Variants in ZFC3H1 observed in about 807,000 individuals in gnomAD.
ZFC3H1 encodes the protein zinc finger C3H1-type containing.
A neutral mutation model predicts 243.7 loss-of-function variants in ZFC3H1; 71 were observed. The observed-to-expected ratio is 0.29, with a 90% confidence interval of 0.24 to 0.36. The LOEUF (loss-of-function observed/expected upper bound fraction) is 0.36. Among genes scored for constraint, ZFC3H1 ranks in the 10% least tolerant of loss-of-function variants. ZFC3H1 has a pLI of 1.00. For synonymous variants in ZFC3H1, 838 were observed against 813.0 expected (o/e 1.03, Z -0.52); for missense variants, 1,966 against 2,317.1 (o/e 0.85, Z 3.11).
At chr12:71,633,154 T>C (rs1339009762) in intron 13 of ZFC3H1, 110 bp downstream of exon 13, 4 of 1,396,278 alleles carry the variant, frequency 2.9e-6, no homozygotes, top group Non-Finnish European at 3.8e-6. Flanking sequence ...CAAGAAACTA[T>C]AGGTTATGCA....
intron 2 of ZFC3H1, among the ~76,000 whole-genome samples, chr12:71,655,929 A>G (rs889907101): frequency 6.6e-6 from 1 of 152,176 alleles, no homozygotes; most frequent in Non-Finnish European, 1.5e-5. Flanking sequence ...TAATTGGGAA[A>G]TGGATGAACT....
At chr12:71,630,553 C>T in intron 18 of ZFC3H1, 47 bp downstream of exon 18, 1 of 1,577,448 alleles carries the variant, frequency 6.3e-7, no homozygotes, top group East Asian at 2.2e-5. Context: ...TTTTAAGTTG[C>T]CTAAATTCAA....
intron 22 of ZFC3H1, among the ~76,000 whole-genome samples, chr12:71,624,667 T>C (rs886972411): frequency 2.0e-5 from 3 of 152,162 alleles, no homozygotes; most frequent in Non-Finnish European, 4.4e-5. Context: ...TATAAAAGTT[T>C]TGAGAATAGA....
intron 6 of ZFC3H1, among the ~76,000 whole-genome samples, chr12:71,641,130 G>A (rs1432132172): frequency 6.6e-6 from 1 of 151,968 alleles, no homozygotes; most frequent in African/African-American, 2.4e-5. Flanking sequence ...CATTTAAAAA[G>A]CATAGATCAT....
intron 1 of ZFC3H1, among the ~76,000 whole-genome samples, chr12:71,658,018 A>G (rs1881065368): frequency 6.6e-6 from 1 of 152,022 alleles, no homozygotes; most frequent in Non-Finnish European, 1.5e-5. Context: ...ACACTTTAAA[A>G]TAGTACTCAA....
intron 4 of ZFC3H1, 109 bp from the exon 5 acceptor site, chr12:71,644,427 TTGTTTATATA>T (rs1385050409): frequency 8.3e-7 from 1 of 1,197,898 alleles, no homozygotes; most frequent in Non-Finnish European, 1.1e-6. Flanking sequence ...TGCTCCTAAG[TTGTTTATATA>T]AGATTGTCTT....
At chr12:71,661,484 CTTTTTT>C (rs10658535) in intron 1 of ZFC3H1, among the ~76,000 whole-genome samples, 2 of 130,858 alleles carry the variant, frequency 1.5e-5, no homozygotes, top group East Asian at 4.4e-4. Flanking sequence ...TATAATTTTC[CTTTTTT>C]TTTTTTTTTT....
chr12:71,611,753 G>A (rs371710849), intron 32 of ZFC3H1, 33 bp downstream of exon 32: 1 of 1,442,182 alleles, frequency 6.9e-7, no homozygotes, highest in Non-Finnish European at 9.6e-7. Flanking sequence ...AAAAGCAATA[G>A]CTATAAAAAC....
intron 7 of ZFC3H1, among the ~76,000 whole-genome samples, chr12:71,638,021 T>C (rs867467741): frequency 6.6e-6 from 1 of 152,140 alleles, no homozygotes; most frequent in South Asian, 2.1e-4. Flanking sequence ...AAAATAACCA[T>C]TTTTATGAAA....
chr12:71,644,342 AT>A, intron 4 of ZFC3H1, 24 bp from the exon 5 acceptor site: 1 of 1,602,218 alleles, frequency 6.2e-7, no homozygotes, highest in Non-Finnish European at 8.5e-7. Flanking sequence ...ACACATAAAC[AT>A]TAGCATCTGT....
rs534843243 is a variant in ZFC3H1, at chr12:71,645,262, C to T, written c.1081-187G>A. ...AGACTCTAATGTAATTCCTAAAATA[C>T]GAATAGAAGATGAGTCTGCAGAAGG... On this transcript the variant is annotated intron_variant, in intron 3 of 34. Coordinates refer to ENST00000378743, the MANE Select transcript of ZFC3H1 (RefSeq NM_144982.5). Among the ~76,000 whole-genome samples, 12 of 152,118 alleles carry T rather than the reference C, an allele frequency of 7.9e-5. No individual in the cohort carries two copies. The South Asian group carries it at 2.5e-3, about 32-fold the overall frequency.
At position 71,663,647 on chromosome 12, in the gene ZFC3H1, C is replaced by T. The variant is rs1375916228; in HGVS notation, c.-37G>A. Reference sequence around the variant, plus strand: ...CGCCTTCCACACAACCTTAGCCCTCCGTCCGGGGATCCGCCCGACAATTGC... The same window carrying T: ...CGCCTTCCACACAACCTTAGCCCTCTGTCCGGGGATCCGCCCGACAATTGC... On this transcript the variant is annotated 5_prime_UTR_variant, in exon 1 of 35. Transcript: ENST00000378743. 2.5e-6 allele frequency: 4 copies of T among 1,580,030 alleles called. No individual in the cohort carries two copies. Among genetic ancestry groups the T allele is most frequent in the South Asian group, 1.1e-5 (1 of 88,690 alleles).
intron 7 of ZFC3H1, among the ~76,000 whole-genome samples, chr12:71,637,644 G>C (rs1880496976): frequency 6.6e-6 from 1 of 152,058 alleles, no homozygotes; most frequent in African/African-American, 2.4e-5. Context: ...TATTTCCCTT[G>C]GCATTTAGTT....
rs749627478 is a variant in ZFC3H1 at position 71,663,377 on chromosome 12, A to AGAGGAC, written c.228_233dup (p.Ser78_Ser79dup). The AGAGGAC allele has an allele frequency of 6.2e-6, 10 of 1,612,832 alleles. No homozygotes were observed. The South Asian group carries it at 1.1e-4, about 18-fold the overall frequency. On this transcript the variant is annotated inframe_insertion, in exon 1 of 35. Coordinates refer to ENST00000378743, the MANE Select transcript of ZFC3H1 (RefSeq NM_144982.5). ...AGAAATTCCTCAGCTGCTGCTGAGA[A>AGAGGAC]GAGGACGATGACGAGGAAGAGCCAC...
At position 71,632,002 on chromosome 12, in the gene ZFC3H1, T is replaced by C. The variant is rs1311481117; in HGVS notation, c.3330A>G (p.Thr1110=). ...CATGCAAAACCTTCTCTGTAATGCC[T>C]GTGGTGGTTTTTAAAATCAGCTGTT... ...SLKQLILKTT[T]GITEKVLHGQ... Residue 1110 remains threonine (T), a synonymous_variant, in exon 15 of 35, where the codon ACA becomes ACG. Coordinates refer to ENST00000378743, the MANE Select transcript of ZFC3H1 (RefSeq NM_144982.5). 1 of 1,600,344 alleles carries C rather than the reference T, an allele frequency of 6.2e-7. No individual in the cohort carries two copies.
chr12:71,624,025 A>T, intron 23 of ZFC3H1, 79 bp downstream of exon 23: 1 of 1,373,606 alleles, frequency 7.3e-7, no homozygotes, highest in Non-Finnish European at 9.8e-7. Flanking sequence ...TTCAACCATT[A>T]AATAATGCTA....
rs372995349 is a variant in ZFC3H1, at chr12:71,656,907, G to A, written c.993C>T (p.Ser331=). The change falls in exon 2 of 35, where the codon TCC becomes TCT. Residue 331 remains serine (S), a synonymous_variant. Coordinates refer to ENST00000378743, the MANE Select transcript of ZFC3H1 (RefSeq NM_144982.5). Reference sequence around the variant, plus strand: ...TACCTTGACTAGAATCAGTAGTGTCGGATTTCAGGGAAAGTGGTTTTGCTC... The same window carrying A: ...TACCTTGACTAGAATCAGTAGTGTCAGATTTCAGGGAAAGTGGTTTTGCTC... ...KDGAKPLSLK[S]DTTDSSQGLQ... 3.3e-5 allele frequency: 54 copies of A among 1,612,364 alleles called. No individual in the cohort carries two copies. The highest frequency in any genetic ancestry group is 2.8e-4 in the African/African-American group (21 of 74,872).
chr12:71,647,712 C>A, intron 3 of ZFC3H1, 37 bp downstream of exon 3: 1 of 1,209,794 alleles, frequency 8.3e-7, no homozygotes, highest in South Asian at 1.4e-5. Flanking sequence ...AAAAATGGGT[C>A]TTACAGAGAT....
At chr12:71,644,825 C>T (rs1880687420) in intron 4 of ZFC3H1, 52 bp downstream of exon 4, 2 of 1,577,808 alleles carry the variant, frequency 1.3e-6, no homozygotes, top group Admixed American at 3.7e-5. Context: ...TCTCAAAAAA[C>T]AAAAGAAAAG....
Sources: gnomAD v4.1 joint callset for allele counts (sites outside exome capture counted in the v4.1 genomes callset) on GRCh38, gnomAD v4.1.1 for gene constraint, MANE v1.5 for transcripts, NCBI Gene and HGNC (gene_info 2026-07-23, HGNC 2026-07-21) for gene names.